The following NRG1 variants were observed in gnomAD, a reference collection of about 807,000 sequenced individuals.
NRG1 encodes pro-neuregulin-1, membrane-bound isoform.
In NRG1, 18 loss-of-function variants were observed where a neutral mutation model predicts 63.8. The ratio of observed to expected loss-of-function variants is 0.28; its 90% confidence interval spans 0.19 to 0.42. NRG1 has a LOEUF of 0.42. Ranked by LOEUF, NRG1 falls within the 10% of genes least tolerant of loss-of-function variation. The pLI is 1.00. For synonymous variants in NRG1, 302 were observed against 301.3 expected (o/e 1.00, Z -0.02); for missense variants, 762 against 814.7 (o/e 0.94, Z 0.79).
chr8:31,776,099 C>G (rs572647421), intron 1 of NRG1, among the ~76,000 whole-genome samples: 23 of 152,204 alleles, frequency 1.5e-4, no homozygotes, highest in Non-Finnish European at 2.6e-4. Context: ...TTTCTGAGCA[C>G]TGACTGTAAA....
chr8:32,341,789 T>C (rs562051393), intron 1 of NRG1, among the ~76,000 whole-genome samples: 1 of 152,242 alleles, frequency 6.6e-6, no homozygotes, highest in East Asian at 1.9e-4. Context: ...GCTTCCAAAG[T>C]ACAAGTATAG....
chr8:32,568,073 C>T (rs2439306), intron 1 of NRG1, among the ~76,000 whole-genome samples: 24,772 of 152,106 alleles, frequency 0.16, 2,187 homozygotes, highest in Middle Eastern at 0.2. Flanking sequence ...CAGGTGTTTC[C>T]GTTATTCTTA....
At chr8:32,608,108 T>A in intron 3 of NRG1, among the ~76,000 whole-genome samples, 1 of 94,844 alleles carries the variant, frequency 1.1e-5, no homozygotes, top group African/African-American at 6.0e-5. Flanking sequence ...TTTTTTTTTG[T>A]TTTTTTTTTT....
chr8:32,171,401 C>T (rs1840018269), intron 1 of NRG1: 1 of 152,248 alleles, frequency 6.6e-6, no homozygotes, highest in Non-Finnish European at 1.5e-5. Flanking sequence ...GAGCTCCAGT[C>T]TAGAGCTCCC....
rs1291696111 is a variant in NRG1, at chr8:32,354,879, G to T, written c.38-240949G>T. On this transcript the variant is annotated intron_variant, in intron 1 of 10. Coordinates refer to the NRG1 transcript ENST00000519301. Reference sequence around the variant, plus strand: ...TCTAGAACACCAAATATTAAAGGTAGCTTTTCAAATCAGTGAGAAAATAAT... The same window carrying T: ...TCTAGAACACCAAATATTAAAGGTATCTTTTCAAATCAGTGAGAAAATAAT... 2.0e-5 allele frequency among the ~76,000 whole-genome samples: 3 copies of T among 149,780 alleles called. 1 individual carries two copies. Among genetic ancestry groups the T allele is most frequent in the Non-Finnish European group, 4.4e-5 (3 of 67,686 alleles).
At chr8:31,844,296 G>A (rs1021336929) in intron 1 of NRG1, among the ~76,000 whole-genome samples, 1 of 152,164 alleles carries the variant, frequency 6.6e-6, no homozygotes, top group African/African-American at 2.4e-5. Flanking sequence ...CAGCAGCCTT[G>A]CCAGTTCGGA....
chr8:31,899,290 T>C (rs114971556), intron 1 of NRG1, among the ~76,000 whole-genome samples: 2,577 of 152,110 alleles, frequency 0.017, 74 homozygotes, highest in African/African-American at 0.058. Flanking sequence ...TCTTTTTTTT[T>C]GTACCCATTA....
chr8:32,591,964 GAA>G (rs1160066025), intron 1 of NRG1, among the ~76,000 whole-genome samples: 2 of 151,732 alleles, frequency 1.3e-5, no homozygotes, highest in African/African-American at 2.4e-5. Flanking sequence ...AGAAAAAAAA[GAA>G]AAAAGAACAG....
In NRG1 at chr8:31,698,289, A is replaced by G. The variant is rs1810289462; in HGVS notation, c.37+58858A>G. Reference sequence around the variant, plus strand: ...AGCTGTTATAAGGCAGACAAGCTCGAGCTGACACACACAGTTTCTCTCATG... The same window carrying G: ...AGCTGTTATAAGGCAGACAAGCTCGGGCTGACACACACAGTTTCTCTCATG... On this transcript the variant is annotated intron_variant, in intron 1 of 10. Coordinates refer to the NRG1 transcript ENST00000519301. Among the ~76,000 whole-genome samples the G allele has an allele frequency of 2.0e-5, 3 of 152,314 alleles. No homozygotes were observed. The South Asian group carries it at 6.2e-4, about 32-fold the overall frequency.
rs1832243518 is a variant in NRG1, at chr8:32,113,068, G to A, written c.37+473637G>A. Among the ~76,000 whole-genome samples the A allele has an allele frequency of 2.0e-5, 3 of 152,240 alleles. No individual in the cohort carries two copies. In the South Asian group the frequency reaches 6.2e-4, roughly 32 times the overall value. The stretch of plus-strand genomic sequence containing the variant: ...ATAGGTGTGTGGCCCTTCTGAGCAT[G>A]GGGGCTGTACCACTGGGCAGGCCAC... On this transcript the variant is annotated intron_variant, in intron 1 of 10. Coordinates refer to the NRG1 transcript ENST00000519301.
chr8:32,412,391 C>T (rs62500167), intron 1 of NRG1, among the ~76,000 whole-genome samples: 37,781 of 116,830 alleles, frequency 0.32, 5,537 homozygotes, highest in South Asian at 0.43. Flanking sequence ...CTTTCTTTCT[C>T]TCTCTCTCCT....
intron 7 of NRG1, among the ~76,000 whole-genome samples, chr8:32,750,718 A>AC (rs1352098836): frequency 4.9e-4 from 74 of 151,574 alleles, no homozygotes; most frequent in African/African-American, 1.7e-3. Flanking sequence ...CTCAAAAAAA[A>AC]AAAAAAAAAA....
chr8:31,966,509 A>G (rs1309979747), intron 1 of NRG1, among the ~76,000 whole-genome samples: 1 of 152,246 alleles, frequency 6.6e-6, no homozygotes, highest in Non-Finnish European at 1.5e-5. Flanking sequence ...AGGCTGGTGT[A>G]TATGTCCCAT....
At position 32,619,382 on chromosome 8, in the gene NRG1, G is replaced by A. The variant is rs1346660314; in HGVS notation, c.502+2497G>A. Among the ~76,000 whole-genome samples the A allele has an allele frequency of 2.6e-5, 4 of 152,258 alleles. No homozygotes were observed. In the South Asian group the frequency reaches 8.3e-4, roughly 32 times the overall value. ...AGAAGGAACAAAGGGATGAAATATA[G>A]AAGATGAGGGCCACAGACCCTGGGG... On this transcript the variant is annotated intron_variant, in intron 5 of 11. Coordinates refer to ENST00000356819, the Ensembl canonical transcript of NRG1.
At chr8:32,258,657 C>T (rs1488398032) in intron 1 of NRG1, among the ~76,000 whole-genome samples, 1 of 152,088 alleles carries the variant, frequency 6.6e-6, no homozygotes, top group African/African-American at 2.4e-5. Context: ...CTGTCAAACA[C>T]TTATAAAACC....
At chr8:32,296,350 G>T (rs918183199) in intron 1 of NRG1, among the ~76,000 whole-genome samples, 1 of 152,142 alleles carries the variant, frequency 6.6e-6, no homozygotes, top group South Asian at 2.1e-4. Context: ...AGCCCTTTGG[G>T]GGGCTGAGAG....
intron 1 of NRG1, among the ~76,000 whole-genome samples, chr8:32,146,918 A>G (rs1275750231): frequency 6.6e-6 from 1 of 152,200 alleles, no homozygotes; most frequent in Non-Finnish European, 1.5e-5. Flanking sequence ...AAGGGTATGT[A>G]CCCAAGAAGT....
chr8:32,238,981 G>A (rs1847844467), intron 1 of NRG1, among the ~76,000 whole-genome samples: 2 of 152,032 alleles, frequency 1.3e-5, no homozygotes, highest in African/African-American at 4.8e-5. Context: ...AGAGGTGAAG[G>A]GGAAAGAAGA....
In NRG1 at chr8:32,027,528, C is replaced by G. The variant is rs1301620007; in HGVS notation, c.37+388097C>G. 4.1e-5 allele frequency among the ~76,000 whole-genome samples: 5 copies of G among 123,176 alleles called. No homozygotes were observed. In the South Asian group the frequency reaches 8.6e-4, roughly 21 times the overall value. 80.8% of individuals were successfully genotyped at this position (123,176 alleles called of 152,430 possible). On this transcript the variant is annotated intron_variant, in intron 1 of 10. Coordinates refer to the NRG1 transcript ENST00000519301. ...TATAGTTGCCATAGCGTTTTCTTTT[C>G]TTTTTGCTCATGCTTGTGTGTCCCT...
Sources: gnomAD v4.1 joint callset for allele counts (sites outside exome capture counted in the v4.1 genomes callset) on GRCh38, gnomAD v4.1.1 for gene constraint, MANE v1.5 for transcripts, NCBI Gene and HGNC (gene_info 2026-07-23, HGNC 2026-07-21) for gene names.